Variants in GRID1 observed in about 807,000 individuals in gnomAD.
GRID1 encodes the protein glutamate ionotropic receptor delta type subunit 1.
In GRID1, 28 loss-of-function variants were observed where a neutral mutation model predicts 98.0. The ratio of observed to expected loss-of-function variants is 0.29; its 90% CI spans 0.21 to 0.39. The LOEUF is 0.39. GRID1 is among the 10% of genes least tolerant of loss of function. GRID1 has a pLI of 1.00. For missense variants in GRID1, 1,111 were observed against 1,340.5 expected (o/e 0.83, Z 2.67); for synonymous variants, 553 against 538.5 (o/e 1.03, Z -0.37).
intron 2 of GRID1, among the ~76,000 whole-genome samples, chr10:86,323,342 A>G (rs998458488): frequency 6.6e-6 from 1 of 152,232 alleles, no homozygotes; most frequent in Non-Finnish European, 1.5e-5. Flanking sequence ...ATGACTTACT[A>G]TGTATAAAGC....
At chr10:85,945,400 AG>A (rs1202638612) in intron 4 of GRID1, among the ~76,000 whole-genome samples, 2 of 151,820 alleles carry the variant, frequency 1.3e-5, no homozygotes, top group Non-Finnish European at 2.9e-5. Context: ...AGTAATTCAA[AG>A]CCTGCTTCCA....
chr10:85,932,965 C>T (rs895885613), intron 4 of GRID1, among the ~76,000 whole-genome samples: 3 of 152,148 alleles, frequency 2.0e-5, no homozygotes, highest in African/African-American at 4.8e-5. Flanking sequence ...TGCTATGGTT[C>T]GAATGTATCC....
chr10:85,861,315 A>C (rs1248158387), intron 6 of GRID1, among the ~76,000 whole-genome samples: 1 of 152,194 alleles, frequency 6.6e-6, no homozygotes, highest in Non-Finnish European at 1.5e-5. Context: ...TCCCACCTGA[A>C]ATCTGCTCAC....
At chr10:86,220,616 T>G (rs770539542) in intron 2 of GRID1, among the ~76,000 whole-genome samples, 24 of 152,186 alleles carry the variant, frequency 1.6e-4, no homozygotes, top group Non-Finnish European at 2.5e-4. Context: ...AAGGCCATCC[T>G]CTGCTCATCG....
chr10:86,069,386 C>T lies in GRID1; in HGVS notation c.726+69433G>A, dbSNP rs1323797036. ...CTTCCCGGCCAGGCACAGTGGCTCACGCCTGTAATCCCAGCACTTTGGGAG... is the reference window on the plus strand; with the variant it reads ...CTTCCCGGCCAGGCACAGTGGCTCATGCCTGTAATCCCAGCACTTTGGGAG... On this transcript the variant is annotated intron_variant, in intron 4 of 15. Coordinates refer to ENST00000327946, the MANE Select transcript of GRID1 (RefSeq NM_017551.3). 4.6e-5 allele frequency among the ~76,000 whole-genome samples: 7 copies of T among 152,316 alleles called. No individual in the cohort carries two copies. In the East Asian group the frequency reaches 1.4e-3, roughly 29 times the overall value.
chr10:85,636,880 C>T (rs1019743515), intron 13 of GRID1, among the ~76,000 whole-genome samples: 1 of 152,160 alleles, frequency 6.6e-6, no homozygotes, highest in Admixed American at 6.5e-5. Context: ...CATAATTCTA[C>T]TTTTGAGAAT....
At chr10:85,674,052 C>A (rs1475989567) in intron 12 of GRID1, among the ~76,000 whole-genome samples, 9 of 152,180 alleles carry the variant, frequency 5.9e-5, no homozygotes, top group African/African-American at 1.9e-4. Context: ...GTTTGCTGGT[C>A]TTTCACTTTT....
At chr10:85,843,128 T>C (rs1842975224) in intron 8 of GRID1, among the ~76,000 whole-genome samples, 1 of 151,678 alleles carries the variant, frequency 6.6e-6, no homozygotes, top group Admixed American at 6.6e-5. Context: ...AACCCAGAAA[T>C]AGACCCACAC....
chr10:86,224,167 C>G (rs1846304432), intron 2 of GRID1, among the ~76,000 whole-genome samples: 1 of 152,158 alleles, frequency 6.6e-6, no homozygotes, highest in Non-Finnish European at 1.5e-5. Flanking sequence ...CAAGCTCCCA[C>G]CCCCGACACT....
chr10:85,894,872 G>C (rs1261670682), intron 5 of GRID1, among the ~76,000 whole-genome samples: 1 of 151,520 alleles, frequency 6.6e-6, no homozygotes, highest in African/African-American at 2.4e-5. Flanking sequence ...GCCCGGCATG[G>C]TGGTGTGCAC....
chr10:85,987,713 T>G (rs914381776), intron 4 of GRID1, among the ~76,000 whole-genome samples: 3 of 151,514 alleles, frequency 2.0e-5, no homozygotes, highest in Non-Finnish European at 4.4e-5. Flanking sequence ...GAATCCAGGA[T>G]GCTCCTCCCA....
rs959725252 is a variant in GRID1, at chr10:85,693,680, G to A, written c.1997+29323C>T. Among the ~76,000 whole-genome samples the A allele has an allele frequency of 2.0e-5, 3 of 152,246 alleles. No homozygotes were observed. The East Asian group carries it at 5.8e-4, about 29-fold the overall frequency. ...AGCAAAGTCAACAAAAACATGCACTGGGGAAAGGGGACACTTTTCAATAAA... is the reference window on the plus strand; with the variant it reads ...AGCAAAGTCAACAAAAACATGCACTAGGGAAAGGGGACACTTTTCAATAAA... On this transcript the variant is annotated intron_variant, in intron 12 of 15. Coordinates refer to ENST00000327946, the MANE Select transcript of GRID1 (RefSeq NM_017551.3).
intron 3 of GRID1, among the ~76,000 whole-genome samples, chr10:86,140,569 C>T (rs963152649): frequency 2.0e-5 from 3 of 152,132 alleles, no homozygotes; most frequent in African/African-American, 4.8e-5. Context: ...CCAAGCAGCG[C>T]GAGGGAGAAG....
At chr10:85,835,458 C>A (rs941327100) in intron 8 of GRID1, among the ~76,000 whole-genome samples, 2 of 152,276 alleles carry the variant, frequency 1.3e-5, no homozygotes, top group Admixed American at 6.5e-5. Context: ...CTCATGAGAT[C>A]TGATGATTTT....
intron 4 of GRID1, among the ~76,000 whole-genome samples, chr10:86,082,471 A>T (rs963522000): frequency 2.0e-5 from 3 of 152,098 alleles, no homozygotes; most frequent in African/African-American, 7.2e-5. Context: ...CTCCTTGGAA[A>T]TTCCCCTGCA....
At chr10:86,124,178 C>A (rs980382009) in intron 4 of GRID1, among the ~76,000 whole-genome samples, 27 of 152,200 alleles carry the variant, frequency 1.8e-4, no homozygotes, top group Non-Finnish European at 2.8e-4. Flanking sequence ...CACCTTAACC[C>A]TGGTCCCTTT....
intron 14 of GRID1, among the ~76,000 whole-genome samples, chr10:85,618,512 C>T (rs1251000659): frequency 6.6e-6 from 1 of 152,194 alleles, no homozygotes; most frequent in Non-Finnish European, 1.5e-5. Context: ...TCCCTCTTGT[C>T]ATCTCTCTCT....
chr10:86,177,656 T>A (rs771592511), intron 3 of GRID1, among the ~76,000 whole-genome samples: 14 of 150,722 alleles, frequency 9.3e-5, no homozygotes, highest in Non-Finnish European at 1.9e-4. Flanking sequence ...CATGTGTGTG[T>A]GAGAGACAGA....
At chr10:85,831,990 G>A (rs1487658789) in intron 8 of GRID1, among the ~76,000 whole-genome samples, 2 of 151,536 alleles carry the variant, frequency 1.3e-5, no homozygotes, top group Non-Finnish European at 2.9e-5. Context: ...AAGTAATAAG[G>A]CCAAAATTTG....
Sources: allele counts gnomAD v4.1 joint callset (sites outside exome capture counted in the v4.1 genomes callset), GRCh38; gene constraint gnomAD v4.1.1; transcripts MANE v1.5; gene names NCBI Gene and HGNC (gene_info 2026-07-23, HGNC 2026-07-21).